Variants in FARP1 observed in about 807,000 individuals in gnomAD.
FARP1 encodes the protein FERM, ARHGEF and pleckstrin domain-containing protein 1.
Under a neutral mutation model 128.8 loss-of-function variants are expected in FARP1, and 52 were observed. The observed-to-expected ratio is 0.40, with a 90% CI of 0.32 to 0.51. The LOEUF (loss-of-function observed/expected upper bound fraction) is 0.51, where lower values mean the gene tolerates loss of function less well. FARP1 is among the 20% of genes least tolerant of loss of function. The pLI is 0.45. For synonymous variants in FARP1, 580 were observed against 551.8 expected (o/e 1.05, Z -0.72); for missense variants, 1,333 against 1,367.9 (o/e 0.97, Z 0.40).
chr13:98,314,404 C>T (rs1264413716), intron 2 of FARP1, among the ~76,000 whole-genome samples: 5 of 150,710 alleles, frequency 3.3e-5, no homozygotes, highest in Admixed American at 1.3e-4. Flanking sequence ...CTCAGCCTCC[C>T]GAGTAGCTGG....
intron 2 of FARP1, among the ~76,000 whole-genome samples, chr13:98,304,623 T>C (rs2139712104): frequency 6.6e-6 from 1 of 152,362 alleles, no homozygotes; most frequent in African/African-American, 2.4e-5. Flanking sequence ...GACACGAGTT[T>C]CTTGCAGGCG....
In FARP1 at chr13:98,346,410, G is replaced by C. The variant is rs572171925; in HGVS notation, c.276+2544G>C. On this transcript the variant is annotated intron_variant, in intron 3 of 26. Transcript: ENST00000319562. ...TCACCATGTTGGCCAGACTGGTCTC[G>C]AACTCCTGACCTCAGGTGATCCGCC... 4.1e-3 allele frequency among the ~76,000 whole-genome samples: 618 copies of C among 150,704 alleles called. 5 individuals carry two copies. The highest frequency in any genetic ancestry group is 0.014 in the African/African-American group (570 of 41,056).
intron 2 of FARP1, among the ~76,000 whole-genome samples, chr13:98,311,948 G>A (rs1362486369): frequency 1.3e-5 from 2 of 149,330 alleles, no homozygotes; most frequent in Non-Finnish European, 3.0e-5. Context: ...GGTTCAAGCA[G>A]TTCTCCTGCC....
At chr13:98,250,241 A>G (rs1452852156) in intron 2 of FARP1, among the ~76,000 whole-genome samples, 2 of 152,184 alleles carry the variant, frequency 1.3e-5, no homozygotes, top group Admixed American at 1.3e-4. Context: ...TCACAAAATA[A>G]TGATGTTAAA....
chr13:98,399,164 C>T (rs4771302), intron 13 of FARP1: 69,772 of 152,056 alleles, frequency 0.46, 16,734 homozygotes, highest in Non-Finnish European at 0.53. Context: ...ATGGTGCTTA[C>T]AGTTTGTTTA....
intron 5 of FARP1, among the ~76,000 whole-genome samples, chr13:98,377,129 C>T (rs369482934): frequency 7.9e-5 from 12 of 151,756 alleles, no homozygotes; most frequent in East Asian, 5.8e-4. Flanking sequence ...GGTGAAACCC[C>T]GTCTCTACTA....
At chr13:98,435,449 C>G (rs1892216855) in intron 18 of FARP1, 127 bp from the exon 19 acceptor site, 1 of 913,514 alleles carries the variant, frequency 1.1e-6, no homozygotes, top group Non-Finnish European at 1.6e-6. Context: ...TGTTTTTGCT[C>G]AAAAGACACC....
intron 2 of FARP1, among the ~76,000 whole-genome samples, chr13:98,273,818 A>G (rs1272121794): frequency 1.3e-5 from 2 of 152,232 alleles, no homozygotes; most frequent in Non-Finnish European, 1.5e-5. Flanking sequence ...AAGAAGTTCA[A>G]GGTCACACAG....
At chr13:98,150,640 C>G (rs756262414) in intron 1 of FARP1, among the ~76,000 whole-genome samples, 4 of 152,128 alleles carry the variant, frequency 2.6e-5, no homozygotes, top group Non-Finnish European at 5.9e-5. Context: ...TAGCACATTT[C>G]TTGTCTGTAA....
At chr13:98,336,241 G>A (rs1887737408) in intron 2 of FARP1, among the ~76,000 whole-genome samples, 1 of 152,076 alleles carries the variant, frequency 6.6e-6, no homozygotes, top group African/African-American at 2.4e-5. Flanking sequence ...TTCTGTTGTT[G>A]TTTTTGTTCG....
At chr13:98,233,308 G>A (rs768579942) in intron 2 of FARP1, among the ~76,000 whole-genome samples, 1 of 152,188 alleles carries the variant, frequency 6.6e-6, no homozygotes, top group Non-Finnish European at 1.5e-5. Context: ...GGACCTTGAT[G>A]CCTGTCAGCC....
intron 1 of FARP1, among the ~76,000 whole-genome samples, chr13:98,201,461 C>G (rs975177157): frequency 6.6e-6 from 1 of 152,146 alleles, no homozygotes; most frequent in Non-Finnish European, 1.5e-5. Context: ...AGAAACAGAA[C>G]GGCAAAAGCT....
At chr13:98,299,874 T>G (rs1471129327) in intron 2 of FARP1, among the ~76,000 whole-genome samples, 3 of 152,218 alleles carry the variant, frequency 2.0e-5, no homozygotes, top group Admixed American at 2.0e-4. Context: ...TAAAATAGTT[T>G]TTTGTTTCTA....
intron 2 of FARP1, among the ~76,000 whole-genome samples, chr13:98,283,414 G>A (rs1885024303): frequency 6.6e-6 from 1 of 152,196 alleles, no homozygotes; most frequent in Non-Finnish European, 1.5e-5. Context: ...TAAAAGCTTA[G>A]TCTTCTCCCC....
At chr13:98,162,212 A>G (rs1392378930) in intron 1 of FARP1, among the ~76,000 whole-genome samples, 1 of 152,184 alleles carries the variant, frequency 6.6e-6, no homozygotes, top group Non-Finnish European at 1.5e-5. Context: ...TTTCCAGAAA[A>G]GTCTTAAGTG....
At chr13:98,326,013 A>T (rs1055551865) in intron 2 of FARP1, among the ~76,000 whole-genome samples, 4 of 152,188 alleles carry the variant, frequency 2.6e-5, no homozygotes, top group Non-Finnish European at 4.4e-5. Flanking sequence ...TGATATAATA[A>T]ATGCTTCTGA....
intron 2 of FARP1, among the ~76,000 whole-genome samples, chr13:98,228,282 C>G (rs1185469153): frequency 1.3e-5 from 2 of 152,214 alleles, no homozygotes; most frequent in East Asian, 3.8e-4. Context: ...ATTGCTTGAA[C>G]CCAGGAGGCG....
intron 24 of FARP1, among the ~76,000 whole-genome samples, chr13:98,444,859 C>T (rs1892724049): frequency 1.3e-5 from 2 of 152,194 alleles, no homozygotes; most frequent in South Asian, 4.1e-4. Context: ...GTTGCGTGAC[C>T]CAAGATGCCG....
chr13:98,180,938 T>C (rs1878461076), intron 1 of FARP1, among the ~76,000 whole-genome samples: 2 of 152,252 alleles, frequency 1.3e-5, no homozygotes, highest in African/African-American at 2.4e-5. Flanking sequence ...ATTGTCCTAA[T>C]ACTCTGTTGT....
Sources: gnomAD v4.1 joint callset for allele counts (sites outside exome capture counted in the v4.1 genomes callset) on GRCh38, gnomAD v4.1.1 for gene constraint, MANE v1.5 for transcripts, NCBI Gene and HGNC (gene_info 2026-07-23, HGNC 2026-07-21) for gene names.